Variants in CEP128 observed in about 807,000 individuals in gnomAD.
The protein encoded by CEP128 is centrosomal protein 128kDa.
In CEP128, 132 loss-of-function variants were observed where a neutral mutation model predicts 156.7. The observed-to-expected ratio is 0.84, with a 90% confidence interval of 0.73 to 0.97. The LOEUF is 0.97. Ranked by LOEUF, CEP128 falls within the 50% of genes least tolerant of loss-of-function variation. The pLI, the probability that CEP128 is intolerant of heterozygous loss-of-function variation, is 0.00. For missense variants in CEP128, 1,252 were observed against 1,281.9 expected (o/e 0.98, Z 0.36); for synonymous variants, 469 against 448.9 (o/e 1.04, Z -0.57).
At chr14:80,542,528 C>A (rs1889810572) in intron 21 of CEP128, among the ~76,000 whole-genome samples, 1 of 152,078 alleles carries the variant, frequency 6.6e-6, no homozygotes, top group South Asian at 2.1e-4. Flanking sequence ...TTCAGATAGA[C>A]AGTATAGACC....
At chr14:80,581,185 T>C (rs988131017) in intron 19 of CEP128, among the ~76,000 whole-genome samples, 3 of 152,184 alleles carry the variant, frequency 2.0e-5, no homozygotes, top group Admixed American at 1.3e-4. Context: ...TGTGCTATGA[T>C]CTTATTATAT....
intron 19 of CEP128, among the ~76,000 whole-genome samples, chr14:80,686,808 C>T (rs1452881923): frequency 6.6e-6 from 1 of 151,828 alleles, no homozygotes; most frequent in Non-Finnish European, 1.5e-5. Context: ...AACAAAGATT[C>T]TTGTTTAAAC....
upstream of CEP128, among the ~76,000 whole-genome samples, chr14:80,944,419 C>T (rs1478766200): frequency 6.6e-6 from 1 of 152,108 alleles, no homozygotes; most frequent in Non-Finnish European, 1.5e-5. Context: ...GGATTTTGCC[C>T]ACTTCTCTCT....
intron 19 of CEP128, among the ~76,000 whole-genome samples, chr14:80,714,489 G>A (rs1185675743): frequency 2.6e-5 from 4 of 152,180 alleles, no homozygotes; most frequent in Non-Finnish European, 5.9e-5. Flanking sequence ...ATACACATGA[G>A]TGCATGTATG....
intron 21 of CEP128, among the ~76,000 whole-genome samples, chr14:80,556,748 C>T (rs933097935): frequency 5.9e-5 from 9 of 152,260 alleles, no homozygotes; most frequent in Non-Finnish European, 1.2e-4. Flanking sequence ...ACATGCAACA[C>T]CTTCTGTACT....
At chr14:80,927,945 C>T (rs1885242635) in intron 2 of CEP128, among the ~76,000 whole-genome samples, 1 of 152,142 alleles carries the variant, frequency 6.6e-6, no homozygotes, top group Non-Finnish European at 1.5e-5. Context: ...TGCTCACACA[C>T]CCAGCACATC....
At chr14:80,585,451 C>T (rs991725245) in intron 19 of CEP128, among the ~76,000 whole-genome samples, 1 of 152,146 alleles carries the variant, frequency 6.6e-6, no homozygotes, top group African/African-American at 2.4e-5. Flanking sequence ...TTACACCCAT[C>T]TAGTAACTTG....
intron 19 of CEP128, among the ~76,000 whole-genome samples, chr14:80,595,601 G>C (rs1318538419): frequency 6.6e-6 from 1 of 152,134 alleles, no homozygotes; most frequent in Non-Finnish European, 1.5e-5. Context: ...ACTACTGAAA[G>C]CTTACACAAA....
At chr14:80,686,708 C>T (rs1896536107) in intron 19 of CEP128, among the ~76,000 whole-genome samples, 1 of 151,912 alleles carries the variant, frequency 6.6e-6, no homozygotes, top group African/African-American at 2.4e-5. Flanking sequence ...CACACCTATG[C>T]CCAAAATTTA....
chr14:80,723,871 G>A (rs1056088173), intron 19 of CEP128, among the ~76,000 whole-genome samples: 15 of 152,334 alleles, frequency 9.8e-5, no homozygotes, highest in Middle Eastern at 3.4e-3. Flanking sequence ...GAGCTAACTG[G>A]AAGCTATTGC....
intron 19 of CEP128, among the ~76,000 whole-genome samples, chr14:80,595,353 A>G (rs958812468): frequency 6.6e-6 from 1 of 152,192 alleles, no homozygotes; most frequent in Admixed American, 6.5e-5. Context: ...GGATAGCATT[A>G]GGAGAAATAA....
intron 19 of CEP128, among the ~76,000 whole-genome samples, chr14:80,737,697 C>A (rs573251316): frequency 6.6e-6 from 1 of 151,846 alleles, no homozygotes; most frequent in Non-Finnish European, 1.5e-5. Flanking sequence ...CCTGGGTAAC[C>A]TAGCAAGACC....
chr14:80,862,295 CAATAAAACTACTTACAAAA>C (rs1887552040), intron 9 of CEP128, among the ~76,000 whole-genome samples: 1 of 152,146 alleles, frequency 6.6e-6, no homozygotes, highest in South Asian at 2.1e-4. Context: ...GGTTGTGCTC[CAATAAAACTACTTACAAAA>C]ATAGACAATG....
intron 2 of CEP128, among the ~76,000 whole-genome samples, chr14:80,956,560 T>G (rs1332841558): frequency 6.6e-6 from 1 of 152,244 alleles, no homozygotes; most frequent in Non-Finnish European, 1.5e-5. Context: ...AACAGCAATT[T>G]AAATCAGTGA....
At chr14:80,484,798 G>T (rs146551082) in intron 14 of CEP128, among the ~76,000 whole-genome samples, 101 of 151,728 alleles carry the variant, frequency 6.7e-4, no homozygotes, top group African/African-American at 2.2e-3. Flanking sequence ...AAGAGAAATA[G>T]ACACTGGAAA....
At chr14:80,944,853 A>AAAAAC (rs1886297119), upstream of CEP128, among the ~76,000 whole-genome samples, 2 of 106,658 alleles carry the variant, frequency 1.9e-5, no homozygotes, top group Non-Finnish European at 4.1e-5. Flanking sequence ...AAAAAAAAAA[A>AAAAAC]AAAACAGAAA....
chr14:80,540,047 C>A (rs1325484167), intron 21 of CEP128, among the ~76,000 whole-genome samples: 2 of 152,186 alleles, frequency 1.3e-5, no homozygotes, highest in Admixed American at 6.5e-5. Context: ...ATGCACCGTG[C>A]ACCGCTGAAC....
chr14:80,543,020 T>C (rs1366139597), intron 21 of CEP128, among the ~76,000 whole-genome samples: 1 of 152,200 alleles, frequency 6.6e-6, no homozygotes, highest in Non-Finnish European at 1.5e-5. Flanking sequence ...CACACAGCAC[T>C]TGGATGTTGA....
intron 2 of CEP128, among the ~76,000 whole-genome samples, chr14:80,933,228 T>A (rs965547470): frequency 6.6e-6 from 1 of 152,118 alleles, no homozygotes; most frequent in Non-Finnish European, 1.5e-5. Flanking sequence ...CGCCTTTAAT[T>A]AGGAACAGTG....
Sources: gnomAD v4.1 joint callset for allele counts (sites outside exome capture counted in the v4.1 genomes callset) on GRCh38, gnomAD v4.1.1 for gene constraint, MANE v1.5 for transcripts, NCBI Gene and HGNC (gene_info 2026-07-23, HGNC 2026-07-21) for gene names.